The following PCDHA9 variants were observed in gnomAD, a reference collection of about 807,000 sequenced individuals.
PCDHA9 encodes the protein protocadherin alpha 9, also known as protocadherin alpha-9.
A neutral mutation model predicts 62.0 loss-of-function variants in PCDHA9; 62 were observed. That is an observed-to-expected ratio of 1.00 (90% CI 0.81 to 1.23). The LOEUF is 1.23. Ranked by LOEUF, PCDHA9 falls within the 50% of genes most tolerant of loss-of-function variation. The pLI, the probability that PCDHA9 is intolerant of heterozygous loss-of-function variation, is 0.00. For synonymous variants in PCDHA9, 557 were observed against 567.6 expected (o/e 0.98, Z 0.27); for missense variants, 1,205 against 1,249.8 (o/e 0.96, Z 0.54).
chr5:140,892,262 T>G (rs1554185143), intron 1 of PCDHA9, among the ~76,000 whole-genome samples: 1 of 152,188 alleles, frequency 6.6e-6, no homozygotes, highest in African/African-American at 2.4e-5. Flanking sequence ...TTTGATTTTG[T>G]GCTGAAAGTT....
chr5:140,927,486 C>T (rs782314357), intron 1 of PCDHA9: 11 of 1,614,010 alleles, frequency 6.8e-6, no homozygotes, highest in Non-Finnish European at 8.5e-6. Flanking sequence ...AGCGCGCCAC[C>T]CACCTGCTGG....
At chr5:141,006,368 C>A (rs1395158727) in intron 3 of PCDHA9, among the ~76,000 whole-genome samples, 1 of 151,954 alleles carries the variant, frequency 6.6e-6, no homozygotes, top group Non-Finnish European at 1.5e-5. Flanking sequence ...CCCACCACCA[C>A]GCCCGGCTAA....
At chr5:140,932,794 G>A (rs945877357) in intron 1 of PCDHA9, among the ~76,000 whole-genome samples, 46 of 151,806 alleles carry the variant, frequency 3.0e-4, no homozygotes, top group African/African-American at 4.8e-5. Flanking sequence ...TAAGAGAAAA[G>A]CAATACCTTG....
chr5:140,850,487 T>C lies in PCDHA9; in HGVS notation c.1992T>C (p.Thr664=), dbSNP rs2150486193. The change falls in exon 1 of 4, where the codon ACT becomes ACC. Residue 664 remains threonine, a synonymous_variant. Transcript: ENST00000532602. The part of the protein sequence containing the change: ...HGEPALTATA[T]VLVSLVESGQ... ...AGCCAGCGCTGACGGCCACGGCCAC[T>C]GTGCTGGTGTCGCTGGTGGAGAGCG... is the stretch of plus-strand genomic sequence containing the variant. 2 of 1,597,790 alleles carry C rather than the reference T, an allele frequency of 1.3e-6. No homozygotes were observed. Among genetic ancestry groups the C allele is most frequent in the East Asian group, 2.2e-5 (1 of 44,802 alleles).
intron 1 of PCDHA9, chr5:140,928,983 G>T: frequency 6.2e-7 from 1 of 1,613,838 alleles, no homozygotes; most frequent in Non-Finnish European, 8.5e-7. Flanking sequence ...TATTTCTGGG[G>T]TGCTTACTTT....
chr5:140,858,664 A>G (rs972477672), intron 1 of PCDHA9: 1 of 728,612 alleles, frequency 1.4e-6, no homozygotes, highest in African/African-American at 1.8e-5. Flanking sequence ...TTTAAATAAC[A>G]ATTTATTCTG....
At chr5:140,872,364 G>A (rs538641401) in intron 1 of PCDHA9, among the ~76,000 whole-genome samples, 1 of 152,132 alleles carries the variant, frequency 6.6e-6, no homozygotes, top group South Asian at 2.1e-4. Context: ...AAGTGGTTCA[G>A]GCCTGTAATC....
rs571694728 is a variant in PCDHA9, at chr5:140,949,343, CTG to C, written c.2395-29602_2395-29601del. Among the ~76,000 whole-genome samples the C allele has an allele frequency of 8.0e-4, 121 of 151,818 alleles. 1 individual carries two copies. Among genetic ancestry groups the C allele is most frequent in the Admixed American group, 3.5e-3 (54 of 15,258 alleles). On this transcript the variant is annotated intron_variant, in intron 1 of 3. Transcript: ENST00000532602. ...TATAAATTATTGTTATCCAGATTTT[CTG>C]TGTCTTTATTTTTTTGTCTAGTTGT...
At chr5:140,854,380 A>G (rs2043104788) in intron 1 of PCDHA9, 1 of 155,922 alleles carries the variant, frequency 6.4e-6, no homozygotes, top group African/African-American at 2.4e-5. Context: ...TACATAACTC[A>G]TTACATTTTA....
At chr5:140,952,750 A>T (rs1240610789) in intron 1 of PCDHA9, among the ~76,000 whole-genome samples, 2 of 152,326 alleles carry the variant, frequency 1.3e-5, no homozygotes, top group Non-Finnish European at 2.9e-5. Context: ...CTGCTATAAA[A>T]ACACCTGAGA....
chr5:140,947,585 G>C (rs773594834), intron 1 of PCDHA9, among the ~76,000 whole-genome samples: 5 of 151,544 alleles, frequency 3.3e-5, no homozygotes, highest in Non-Finnish European at 3.0e-5. Context: ...TTAACATTTA[G>C]ATCAATTTAG....
chr5:140,876,567 G>T (rs782286416), intron 1 of PCDHA9: 90 of 1,614,068 alleles, frequency 5.6e-5, no homozygotes, highest in Non-Finnish European at 6.3e-5. Context: ...ATGCTCAGGT[G>T]GGTACCGTCA....
chr5:141,009,772 C>T lies in PCDHA9; in HGVS notation c.2688C>T (p.Ile896=). The T allele has an allele frequency of 1.9e-6, 3 of 1,614,158 alleles. No individual in the cohort carries two copies. Among genetic ancestry groups the T allele is most frequent in the Non-Finnish European group, 2.5e-6 (3 of 1,180,032 alleles). The stretch of plus-strand genomic sequence containing the variant: ...TCATTATCCCAGGATCTCCTGCAAT[C>T]ATCTCCATCCGGCAGGAGCCTACTA... ...DKFIIPGSPA[I]ISIRQEPTNS... Residue 896 remains isoleucine (I), a synonymous_variant, in exon 4 of 4, where the codon ATC becomes ATT. Coordinates refer to ENST00000532602, the MANE Select transcript of PCDHA9 (RefSeq NM_031857.2).
intron 1 of PCDHA9, among the ~76,000 whole-genome samples, chr5:140,960,851 T>C (rs782540669): frequency 5.3e-5 from 8 of 152,210 alleles, no homozygotes; most frequent in Non-Finnish European, 7.3e-5. Context: ...TAATGGCAAC[T>C]ATAAGCCAGA....
intron 1 of PCDHA9, among the ~76,000 whole-genome samples, chr5:140,895,848 G>C (rs147299280): frequency 2.2e-3 from 342 of 152,098 alleles, no homozygotes; most frequent in African/African-American, 8.1e-3. Context: ...TCTCACTCTT[G>C]TACCCCAGGC....
At chr5:140,880,688 A>T (rs1033069078) in intron 1 of PCDHA9, among the ~76,000 whole-genome samples, 2 of 152,224 alleles carry the variant, frequency 1.3e-5, no homozygotes, top group East Asian at 3.8e-4. Flanking sequence ...GAGAATAGTC[A>T]TGGTTAAGTG....
chr5:140,882,330 T>C (rs1554173536), intron 1 of PCDHA9: 26 of 1,614,056 alleles, frequency 1.6e-5, no homozygotes, highest in Non-Finnish European at 2.1e-5. Context: ...CTTCTGATCC[T>C]CGCAGCCTGG....
chr5:140,853,533 T>C (rs2042784288), intron 1 of PCDHA9: 2 of 979,954 alleles, frequency 2.0e-6, no homozygotes, highest in African/African-American at 3.5e-5. Context: ...TATGTCTCTT[T>C]TCAAGTTGTA....
rs782473800 is a variant in PCDHA9 at position 140,927,043 on chromosome 5, T to C, written c.2395-51906T>C. On this transcript the variant is annotated intron_variant, in intron 1 of 3. Transcript: ENST00000532602. Reference sequence around the variant, plus strand: ...CTTGAGGCTGCCAGCGGCCGCTATGTCCTCGCGGAACTTTCGCTTCCTTTC... The same window carrying C: ...CTTGAGGCTGCCAGCGGCCGCTATGCCCTCGCGGAACTTTCGCTTCCTTTC... 11 of 1,612,262 alleles carry C rather than the reference T, an allele frequency of 6.8e-6. No homozygotes were observed. Among genetic ancestry groups the C allele is most frequent in the Non-Finnish European group, 9.3e-6 (11 of 1,178,916 alleles).
Sources: allele counts gnomAD v4.1 joint callset (sites outside exome capture counted in the v4.1 genomes callset), GRCh38; gene constraint gnomAD v4.1.1; transcripts MANE v1.5; gene names NCBI Gene and HGNC (gene_info 2026-07-23, HGNC 2026-07-21).